Variants in RELB observed in about 807,000 individuals in gnomAD.
RELB encodes transcription factor RelB.
RELB carries 14 observed loss-of-function variants against 55.4 expected under a neutral mutation model. The ratio of observed to expected loss-of-function variants is 0.25; its 90% CI spans 0.17 to 0.40. The LOEUF (loss-of-function observed/expected upper bound fraction) is 0.40. Ranked by LOEUF, RELB falls within the 10% of genes least tolerant of loss-of-function variation. RELB has a pLI of 1.00. For missense variants in RELB, 669 were observed against 830.7 expected, an observed-to-expected ratio of 0.81 and a Z score of 2.39; for synonymous variants, 409 against 371.3, an observed-to-expected ratio of 1.10 and a Z score of -1.17.
At chr19:45,001,856 A>G (rs1316505753) in intron 1 of RELB, among the ~76,000 whole-genome samples, 171 bp downstream of exon 1, 2 of 152,132 alleles carry the variant, frequency 1.3e-5, no homozygotes, top group African/African-American at 4.8e-5. Context: ...GCAGAGGGTG[A>G]TGAGGGGGTA....
At position 45,037,744 on chromosome 19, in the gene RELB, C is replaced by T. The variant is rs771519302; in HGVS notation, c.1694C>T (p.Ala565Val). 19 of 1,490,582 alleles carry T rather than the reference C, an allele frequency of 1.3e-5. No homozygotes were observed. In the African/African-American group the frequency reaches 2.2e-4, roughly 17 times the overall value. The allele number at this position is 1,490,582 out of a possible 1,614,324, so 92.3% of individuals were successfully genotyped here. Residue 565 changes from alanine (A) to valine (V), a missense_variant, in exon 12 of 12, where the codon GCG (alanine) becomes GTG (valine). By Grantham distance (64) the Ala-to-Val change is moderately conservative. Coordinates refer to ENST00000221452, the MANE Select transcript of RELB (RefSeq NM_006509.4). ...SNMFPNHYREAAFGGGLLSPG... is the reference protein window; with the variant it reads ...SNMFPNHYREVAFGGGLLSPG... ...ATGTTCCCCAATCATTACCGCGAGG[C>T]GGCCTTTGGGGGCGGCCTCCTATCC...
chr19:45,022,579 CT>C (rs1971503499), intron 5 of RELB, among the ~76,000 whole-genome samples: 1 of 140,330 alleles, frequency 7.1e-6, no homozygotes, highest in East Asian at 2.1e-4. Context: ...CGGAGTTTTG[CT>C]CTTGTTGCCC....
chr19:45,001,724 G>T, intron 1 of RELB, 39 bp downstream of exon 1: 1 of 1,354,966 alleles, frequency 7.4e-7, no homozygotes, highest in East Asian at 2.6e-5. Flanking sequence ...GTCTGGGGCG[G>T]GGCTGGAGAT....
At chr19:45,016,541 C>T (rs564458630) in intron 4 of RELB, among the ~76,000 whole-genome samples, 17 of 152,118 alleles carry the variant, frequency 1.1e-4, no homozygotes, top group African/African-American at 4.1e-4. Context: ...TCCAAAGTGG[C>T]GAACAACTCT....
chr19:45,037,686 G>A lies in RELB; in HGVS notation c.1636G>A (p.Asp546Asn). The change falls in exon 12 of 12, where the codon GAT becomes AAT. Residue 546 changes from aspartate (D) to asparagine (N), a missense_variant. By Grantham distance (23) the Asp-to-Asn change is conservative. This residue lies in a region of RELB where 341 missense variants were observed against 436.8 expected (regional missense o/e 0.78). Coordinates refer to ENST00000221452, the MANE Select transcript of RELB (RefSeq NM_006509.4). ...LDSYQAPGPGDGGTASLVGSN... is the reference protein window; with the variant it reads ...LDSYQAPGPGNGGTASLVGSN... ...CTCGTACCAGGCCCCGGGCCCCGGG[G>A]ATGGAGGCACCGCCAGCCTTGTGGG... is the stretch of plus-strand genomic sequence containing the variant. 1 of 1,563,962 alleles carries A rather than the reference G, an allele frequency of 6.4e-7. No individual in the cohort carries two copies. The highest frequency in any genetic ancestry group is 8.6e-7 in the Non-Finnish European group (1 of 1,159,186).
intron 4 of RELB, among the ~76,000 whole-genome samples, chr19:45,020,459 C>T (rs1971470128): frequency 6.6e-6 from 1 of 152,008 alleles, no homozygotes; most frequent in African/African-American, 2.4e-5. Flanking sequence ...AGCAGTCCTC[C>T]CACCTCAACC....
chr19:45,025,824 C>T (rs967342200), intron 7 of RELB, 87 bp downstream of exon 7: 123 of 1,532,264 alleles, frequency 8.0e-5, no homozygotes, highest in African/African-American at 3.1e-4. Context: ...ATGGCTCAGG[C>T]GCTGTGGCTC....
chr19:45,030,199 C>A (rs980033465), intron 8 of RELB, among the ~76,000 whole-genome samples: 2 of 147,428 alleles, frequency 1.4e-5, no homozygotes, highest in African/African-American at 5.0e-5. Flanking sequence ...ACCGGCTGGG[C>A]TGGTGGCTCA....
At position 45,030,146 on chromosome 19, in the gene RELB, G is replaced by A. The variant is rs1025773560; in HGVS notation, c.991+1154G>A. On this transcript the variant is annotated intron_variant, in intron 8 of 11. Transcript: ENST00000221452. ...TGCACCACTGCTCTCCAGCCAGGGC[G>A]ACAGAGACAGACCCTGTCTCAAAAA... Among the ~76,000 whole-genome samples the A allele has an allele frequency of 4.6e-5, 7 of 150,824 alleles. No homozygotes were observed. The East Asian group carries it at 7.9e-4, about 17-fold the overall frequency.
chr19:45,014,168 C>CTT lies in RELB; in HGVS notation c.504+1909_504+1910dup, dbSNP rs113601074. 7.5e-3 allele frequency among the ~76,000 whole-genome samples: 954 copies of CTT among 126,766 alleles called. 29 individuals carry two copies. Among genetic ancestry groups the CTT allele is most frequent in the African/African-American group, 0.025 (808 of 32,282 alleles). The allele number at this position is 126,766 out of a possible 152,430, so 83.2% of individuals were successfully genotyped here. ...ATTCCCCAACTTCTAATTTCTAAGG[C>CTT]TTTTTTTTTTTTTTTTTTGGAGACA... On this transcript the variant is annotated intron_variant, in intron 4 of 11. Transcript: ENST00000221452.
intron 9 of RELB, 64 bp downstream of exon 9, chr19:45,032,813 C>A: frequency 7.3e-7 from 1 of 1,376,408 alleles, no homozygotes; most frequent in Non-Finnish European, 1.0e-6. Flanking sequence ...TTGGGGAGAC[C>A]CCAGTGGGGA....
chr19:45,001,678 GGCCTTA>G lies in RELB; in HGVS notation c.101_106del (p.Ala34_Leu35del). The stretch of plus-strand genomic sequence containing the variant: ...GACCGCCGGCTGCGCCGGAGCTGGG[GGCCTTA>G]GGTAAGCGGGGCTGGGGTTCAGGAG... On this transcript the variant is annotated inframe_deletion and splice_region_variant, in exon 1 of 12. Coordinates refer to ENST00000221452, the MANE Select transcript of RELB (RefSeq NM_006509.4). 6.6e-7 allele frequency: 1 copy of G among 1,522,054 alleles called. No homozygotes were observed. Among genetic ancestry groups the G allele is most frequent in the South Asian group, 1.2e-5 (1 of 82,564 alleles). 94.3% of individuals were successfully genotyped at this position (1,522,054 alleles called of 1,614,324 possible).
intron 3 of RELB, among the ~76,000 whole-genome samples, chr19:45,010,437 A>T (rs1384311486): frequency 6.6e-6 from 1 of 151,716 alleles, no homozygotes; most frequent in Non-Finnish European, 1.5e-5. Context: ...CGCAGAGCTG[A>T]TAGCCCGGTG....
In RELB at chr19:45,022,222, C is replaced by A. The variant is rs1327165553; in HGVS notation, c.662+12C>A. 1 of 1,584,308 alleles carries A rather than the reference C, an allele frequency of 6.3e-7. No homozygotes were observed. Among genetic ancestry groups the A allele is most frequent in the Admixed American group, 1.7e-5 (1 of 57,582 alleles). ...AGCCCCCGGCACAGGTACCCACCCCCTGACCTCCGACCTCTCATCCTTGAT... is the reference window on the plus strand; with the variant it reads ...AGCCCCCGGCACAGGTACCCACCCCATGACCTCCGACCTCTCATCCTTGAT... On this transcript the variant is annotated intron_variant, in intron 5 of 11. Transcript: ENST00000221452.
chr19:45,031,236 C>T lies in RELB; in HGVS notation c.992-1298C>T, dbSNP rs189204939. On this transcript the variant is annotated intron_variant, in intron 8 of 11. Coordinates refer to ENST00000221452, the MANE Select transcript of RELB (RefSeq NM_006509.4). ...TTTTTTTTTTTAAGAACCAGGCTCT[C>T]GCTCTGTCTCTTAAATAGCTGGGAC... 8.5e-5 allele frequency among the ~76,000 whole-genome samples: 13 copies of T among 152,068 alleles called. 1 individual carries two copies. The highest frequency in any genetic ancestry group is 5.8e-4 in the East Asian group (3 of 5,178).
At chr19:45,012,325 C>A in intron 4 of RELB, 49 bp downstream of exon 4, 2 of 1,181,200 alleles carry the variant, frequency 1.7e-6, no homozygotes, top group South Asian at 2.1e-5. Flanking sequence ...GCTTCCCCTG[C>A]ACCCCGGAGC....
chr19:45,033,063 A>G (rs1971644487), intron 9 of RELB, among the ~76,000 whole-genome samples: 1 of 152,156 alleles, frequency 6.6e-6, no homozygotes, highest in Non-Finnish European at 1.5e-5. Context: ...AGTGACCAGC[A>G]CGGCCCCTAG....
Position 45,012,267 on chromosome 19 carries a change from C to G in RELB, c.495C>G (p.Pro165=). The G allele has an allele frequency of 2.1e-6, 3 of 1,411,884 alleles. No individual in the cohort carries two copies. In the South Asian group the frequency reaches 4.9e-5, roughly 23 times the overall value. 87.5% of individuals were successfully genotyped at this position (1,411,884 alleles called of 1,614,324 possible). A position where few individuals can be genotyped will look rare whatever the true frequency, so the allele number is the denominator to read the frequency against. ...ESSTEASKTL[P]AIELRDCGGL... The stretch of plus-strand genomic sequence containing the variant: ...GCACCGAGGCCAGCAAGACGCTGCC[C>G]GCCATCGAGGTGGGCCCGGCGAGCG... The change falls in exon 4 of 12, where the codon CCC becomes CCG. Residue 165 remains proline, a synonymous_variant. Coordinates refer to ENST00000221452, the MANE Select transcript of RELB (RefSeq NM_006509.4).
intron 11 of RELB, 142 bp downstream of exon 11, chr19:45,034,670 A>G: frequency 1.5e-6 from 1 of 656,178 alleles, no homozygotes; most frequent in Non-Finnish European, 2.6e-6. Context: ...ATAGAGTAGA[A>G]AGAATGAGGG....
Sources: allele counts gnomAD v4.1 joint callset (sites outside exome capture counted in the v4.1 genomes callset), GRCh38; gene constraint gnomAD v4.1.1; regional missense constraint gnomAD v4.1.1; transcripts MANE v1.5; gene names NCBI Gene and HGNC (gene_info 2026-07-23, HGNC 2026-07-21).